Variants in ANK1 observed in about 807,000 individuals in gnomAD.
ANK1 encodes the protein ankyrin-1.
A neutral mutation model predicts 210.4 loss-of-function variants in ANK1; 51 were observed. The ratio of observed to expected loss-of-function variants is 0.24; its 90% confidence interval spans 0.19 to 0.31. The LOEUF (loss-of-function observed/expected upper bound fraction) is 0.31, where lower values mean the gene tolerates loss of function less well. Among genes scored for constraint, ANK1 ranks in the 10% least tolerant of loss-of-function variants. ANK1 has a pLI of 1.00. For missense variants in ANK1, 2,051 were observed against 2,504.4 expected, an observed-to-expected ratio of 0.82 and a Z score of 3.86; for synonymous variants, 967 against 1,025.9, an observed-to-expected ratio of 0.94 and a Z score of 1.10.
chr8:41,686,755 C>A (rs1216255221), intron 35 of ANK1, among the ~76,000 whole-genome samples: 1 of 152,162 alleles, frequency 6.6e-6, no homozygotes, highest in African/African-American at 2.4e-5. Context: ...TGAGCTTATG[C>A]GTCTTCAGGG....
At chr8:41,773,473 C>T (rs1843368948) in intron 1 of ANK1, among the ~76,000 whole-genome samples, 1 of 152,168 alleles carries the variant, frequency 6.6e-6, no homozygotes, top group African/African-American at 2.4e-5. Context: ...TCCCCTTATT[C>T]CTGGGATCAG....
At chr8:41,853,845 C>G (rs1811701219) in intron 1 of ANK1, among the ~76,000 whole-genome samples, 1 of 152,164 alleles carries the variant, frequency 6.6e-6, no homozygotes, top group Admixed American at 6.6e-5. Context: ...ACTGCAGCCT[C>G]AAACTCCTGG....
intron 2 of ANK1, among the ~76,000 whole-genome samples, chr8:41,752,639 C>T (rs145202222): frequency 1.5e-3 from 225 of 152,274 alleles, no homozygotes; most frequent in African/African-American, 4.7e-3. Flanking sequence ...ACCCACCTGC[C>T]GTGGAAGCCA....
intron 3 of ANK1, among the ~76,000 whole-genome samples, chr8:41,728,344 T>C (rs1042636319): frequency 3.9e-5 from 6 of 152,232 alleles, no homozygotes; most frequent in African/African-American, 1.4e-4. Flanking sequence ...CTGCATGTTC[T>C]CACTCGTAAG....
intron 1 of ANK1, among the ~76,000 whole-genome samples, chr8:41,848,408 G>A (rs531065273): frequency 6.6e-6 from 1 of 152,288 alleles, no homozygotes; most frequent in East Asian, 1.9e-4. Flanking sequence ...GGGGAAGTGG[G>A]AAGCGTGAAG....
chr8:41,682,414 T>C (rs963547629), intron 37 of ANK1, among the ~76,000 whole-genome samples: 2 of 152,276 alleles, frequency 1.3e-5, no homozygotes, highest in African/African-American at 2.4e-5. Flanking sequence ...ATTCCCCGCG[T>C]GGCTCTCCTC....
intron 2 of ANK1, among the ~76,000 whole-genome samples, chr8:41,750,260 C>T (rs1281628641): frequency 1.3e-5 from 2 of 152,220 alleles, no homozygotes; most frequent in Non-Finnish European, 2.9e-5. Context: ...CTTTAGGGCA[C>T]ATCCAGGGAG....
intron 1 of ANK1, among the ~76,000 whole-genome samples, chr8:41,854,319 T>C (rs931033605): frequency 1.3e-5 from 2 of 152,132 alleles, no homozygotes; most frequent in East Asian, 1.9e-4. Context: ...CGAATCTAGA[T>C]TAAAACCTGA....
Position 41,688,319 on chromosome 8 carries a change from C to T in ANK1, c.4184-89G>A, listed in dbSNP as rs145224248. On this transcript the variant is annotated intron_variant, in intron 34 of 42. Coordinates refer to ENST00000289734, the MANE Select transcript of ANK1 (RefSeq NM_000037.4). ...CACGGCCTGTGATGGATGTGGCTTCCGTGTGCACTGGGGTGATTGTCTAGA... is the reference window on the plus strand; with the variant it reads ...CACGGCCTGTGATGGATGTGGCTTCTGTGTGCACTGGGGTGATTGTCTAGA... 109 of 1,480,970 alleles carry T rather than the reference C, an allele frequency of 7.4e-5. No homozygotes were observed. In the East Asian group the frequency reaches 1.5e-3, roughly 20 times the overall value. 91.7% of individuals were successfully genotyped at this position (1,480,970 alleles called of 1,614,324 possible).
At chr8:41,798,436 C>T (rs1337790058), upstream of ANK1, among the ~76,000 whole-genome samples, 1 of 152,208 alleles carries the variant, frequency 6.6e-6, no homozygotes, top group Non-Finnish European at 1.5e-5. Flanking sequence ...CAGGGGGGCG[C>T]CCAGGCGGTC....
chr8:41,770,263 G>A (rs1188478693), intron 1 of ANK1, among the ~76,000 whole-genome samples: 5 of 152,142 alleles, frequency 3.3e-5, no homozygotes, highest in African/African-American at 4.8e-5. Context: ...GATTACGGGC[G>A]TGAGCCACTG....
At chr8:41,699,101 C>T (rs1187288029) in intron 23 of ANK1, among the ~76,000 whole-genome samples, 2 of 152,096 alleles carry the variant, frequency 1.3e-5, no homozygotes, top group Admixed American at 1.3e-4. Flanking sequence ...ACCCGGCCAT[C>T]TTCTTCAACT....
chr8:41,846,576 T>G (rs1246008355), intron 1 of ANK1, among the ~76,000 whole-genome samples: 1 of 152,364 alleles, frequency 6.6e-6, no homozygotes, highest in African/African-American at 2.4e-5. Flanking sequence ...TAATTACTGC[T>G]TACAGTGCAA....
At chr8:41,847,118 A>C (rs909307335) in intron 1 of ANK1, among the ~76,000 whole-genome samples, 4 of 152,228 alleles carry the variant, frequency 2.6e-5, no homozygotes, top group African/African-American at 9.6e-5. Context: ...CCCGACAGCA[A>C]ATAAAGTAGG....
At chr8:41,768,665 G>C (rs1032248382) in intron 1 of ANK1, among the ~76,000 whole-genome samples, 2 of 152,124 alleles carry the variant, frequency 1.3e-5, no homozygotes, top group African/African-American at 4.8e-5. Flanking sequence ...TGTACTCAGC[G>C]CCAGGAAGAG....
intron 1 of ANK1, among the ~76,000 whole-genome samples, chr8:41,818,623 C>T (rs1269031412): frequency 1.3e-5 from 2 of 151,874 alleles, no homozygotes; most frequent in African/African-American, 4.8e-5. Context: ...TTCTTTCTCT[C>T]TCTCTTTTTC....
At position 41,725,772 on chromosome 8, in the gene ANK1, C is replaced by G. The variant is rs768522568; in HGVS notation, c.601G>C (p.Val201Leu). Residue 201 changes from valine (V) to leucine (L), a missense_variant, in exon 6 of 43, where the codon GTG (valine) becomes CTG (leucine). Val to Leu is a conservative substitution (Grantham distance 32). Transcript: ENST00000289734. ...CTCCTCGCCCTCACCTTGGAAAGCA[C>G]GTCCGGGTTGGGGTCGTTCTGCAGC... ...VLLQNDPNPD[V>L]LSKTGFTPLH... 1.9e-6 allele frequency: 3 copies of G among 1,610,522 alleles called. No individual in the cohort carries two copies. The highest frequency in any genetic ancestry group is 2.5e-6 in the Non-Finnish European group (3 of 1,179,674).
At chr8:41,690,124 A>G in intron 33 of ANK1, 103 bp downstream of exon 33, 1 of 1,556,878 alleles carries the variant, frequency 6.4e-7, no homozygotes, top group South Asian at 1.1e-5. Flanking sequence ...CTAAGCTTCC[A>G]CCAGGAAGAA....
At chr8:41,880,906 G>A (rs910799812) in intron 1 of ANK1, among the ~76,000 whole-genome samples, 1 of 152,256 alleles carries the variant, frequency 6.6e-6, no homozygotes, top group African/African-American at 2.4e-5. Context: ...TTACTTGGTA[G>A]GGCCAAGGGC....
Sources: allele counts gnomAD v4.1 joint callset (sites outside exome capture counted in the v4.1 genomes callset), GRCh38; gene constraint gnomAD v4.1.1; transcripts MANE v1.5; gene names NCBI Gene and HGNC (gene_info 2026-07-23, HGNC 2026-07-21).